Variants in MRPS25 observed in about 807,000 individuals in gnomAD.
The protein encoded by MRPS25 is mitochondrial ribosomal protein S25.
Under a neutral mutation model 17.3 loss-of-function variants are expected in MRPS25, and 15 were observed. The ratio of observed to expected loss-of-function variants is 0.87; its 90% CI spans 0.58 to 1.34. MRPS25 has a LOEUF of 1.34. Among genes scored for constraint, MRPS25 ranks in the 40% most tolerant of loss-of-function variants. The pLI, the probability that MRPS25 is intolerant of heterozygous loss-of-function variation, is 0.00. For missense variants in MRPS25, 225 were observed against 218.6 expected (o/e 1.03, Z -0.19); for synonymous variants, 94 against 83.3 (o/e 1.13, Z -0.70).
chr3:15,049,170 C>T lies in MRPS25; in HGVS notation c.*3271G>A, dbSNP rs2042560435. The T allele has an allele frequency of 6.6e-6, 1 of 152,596 alleles. No homozygotes were observed. Among genetic ancestry groups the T allele is most frequent in the African/African-American group, 2.4e-5 (1 of 41,436 alleles). The allele number at this position is 152,596 out of a possible 1,614,324, so 9.5% of individuals were successfully genotyped here. On this transcript the variant is annotated 3_prime_UTR_variant, in exon 4 of 4. Transcript: ENST00000253686. ...TAGAGTATTGCAGTGCATGAATTAG[C>T]TTTATGCATTTTATTAAATGCTGTT...
In MRPS25 at chr3:15,049,938, CA is replaced by C. The variant is rs1243485840; in HGVS notation, c.*2502del. 53 of 1,530,436 alleles carry C rather than the reference CA, an allele frequency of 3.5e-5. No homozygotes were observed. The highest frequency in any genetic ancestry group is 4.5e-5 in the Non-Finnish European group (51 of 1,145,434). The allele number at this position is 1,530,436 out of a possible 1,614,324, so 94.8% of individuals were successfully genotyped here. A position where few individuals can be genotyped will look rare whatever the true frequency, so the allele number is the denominator to read the frequency against. Reference sequence around the variant, plus strand: ...TAGATGGTGCTGCCAGGTAGTGCCTCAAAGAGAAGAAAAGTGGTCACTTCAG... The same window carrying C: ...TAGATGGTGCTGCCAGGTAGTGCCTCAAGAGAAGAAAAGTGGTCACTTCAG... On this transcript the variant is annotated 3_prime_UTR_variant, in exon 4 of 4. Coordinates refer to ENST00000253686, the MANE Select transcript of MRPS25 (RefSeq NM_022497.5).
Position 15,065,234 on chromosome 3 carries a change from C to T in MRPS25, c.-40G>A, listed in dbSNP as rs1559331690. 6.4e-7 allele frequency: 1 copy of T among 1,552,780 alleles called. No homozygotes were observed. Among genetic ancestry groups the T allele is most frequent in the South Asian group, 1.2e-5 (1 of 84,328 alleles). The stretch of plus-strand genomic sequence containing the variant: ...CGGGGCCGACCCCACGGGCCGCGAG[C>T]CGAGCAGCGACGAGAAAGGACTAGC... On this transcript the variant is annotated 5_prime_UTR_variant, in exon 1 of 4. Transcript: ENST00000253686.
rs1339628617 is a variant in MRPS25, at chr3:15,050,163, A to C, written c.*2278T>G. On this transcript the variant is annotated 3_prime_UTR_variant, in exon 4 of 4. Transcript: ENST00000253686. ...ATCAAGTAGCCTACAGGGAACAAAA[A>C]AAGAAAATAATGTTTATTTCCACAA... 1 of 1,295,884 alleles carries C rather than the reference A, an allele frequency of 7.7e-7. No individual in the cohort carries two copies. Among genetic ancestry groups the C allele is most frequent in the East Asian group, 3.9e-5 (1 of 25,722 alleles). 80.3% of individuals were successfully genotyped at this position (1,295,884 alleles called of 1,614,324 possible). A position where few individuals can be genotyped will look rare whatever the true frequency, so the allele number is the denominator to read the frequency against.
In MRPS25 at chr3:15,051,849, T is replaced by A. The variant is rs762407471; in HGVS notation, c.*592A>T. ...TGAGTGAGGCTGGCCTGTCAGCCAC[T>A]GGGGCTCCTCCATCTCTGGCCCATG... is the stretch of plus-strand genomic sequence containing the variant. On this transcript the variant is annotated 3_prime_UTR_variant, in exon 4 of 4. Transcript: ENST00000253686. 2.5e-4 allele frequency: 247 copies of A among 985,440 alleles called. 1 individual carries two copies. Among genetic ancestry groups the A allele is most frequent in the Non-Finnish European group, 8.3e-5 (69 of 829,990 alleles). The allele number at this position is 985,440 out of a possible 1,614,324, so 61.0% of individuals were successfully genotyped here. A position where few individuals can be genotyped will look rare whatever the true frequency, so the allele number is the denominator to read the frequency against.
chr3:15,053,466 A>G lies in MRPS25; in HGVS notation c.243T>C (p.Asp81=), dbSNP rs199727615. 28 of 1,614,220 alleles carry G rather than the reference A, an allele frequency of 1.7e-5. No individual in the cohort carries two copies. The East Asian group carries it at 4.9e-4, about 28-fold the overall frequency. Residue 81 remains aspartate, a splice_region_variant and synonymous_variant, in exon 3 of 4, where the codon GAT becomes GAC. Coordinates refer to ENST00000253686, the MANE Select transcript of MRPS25 (RefSeq NM_022497.5). The stretch of plus-strand genomic sequence containing the variant: ...CATCCACCAGGACCTGCTCCCCAGA[A>G]TCTGGAAACGGAAAGCACGGGGCAG... The part of the protein sequence containing the change: ...TPSPFLRFYL[D]SGEQVLVDVE...
chr3:15,056,131 C>T (rs1412216025), intron 2 of MRPS25, among the ~76,000 whole-genome samples: 2 of 151,270 alleles, frequency 1.3e-5, no homozygotes, highest in East Asian at 1.9e-4. Flanking sequence ...AGGAGAATGG[C>T]GTGAACCCAG....
rs143941558 is a variant in MRPS25, at chr3:15,049,625, T to G, written c.*2816A>C. 843 of 498,886 alleles carry G rather than the reference T, an allele frequency of 1.7e-3. 2 individuals carry two copies. The highest frequency in any genetic ancestry group is 0.015 in the African/African-American group (762 of 49,252). The allele number at this position is 498,886 out of a possible 1,614,324, so 30.9% of individuals were successfully genotyped here. On this transcript the variant is annotated 3_prime_UTR_variant, in exon 4 of 4. Coordinates refer to ENST00000253686, the MANE Select transcript of MRPS25 (RefSeq NM_022497.5). Reference sequence around the variant, plus strand: ...GACAGGCCTTAAATTGGCAAGCTTATTCTCTAAGGATACGTGCTATCAAGG... The same window carrying G: ...GACAGGCCTTAAATTGGCAAGCTTAGTCTCTAAGGATACGTGCTATCAAGG...
At chr3:15,043,607 T>C (rs1417050008), downstream of MRPS25, 5 of 152,782 alleles carry the variant, frequency 3.3e-5, no homozygotes, top group East Asian at 9.6e-4. Flanking sequence ...GTGCACATGT[T>C]GTGGAGTTGA....
In MRPS25 at chr3:15,051,245, G is replaced by A. The variant is rs768364051; in HGVS notation, c.*1196C>T. 5.4e-4 allele frequency: 492 copies of A among 917,426 alleles called. No homozygotes were observed. The highest frequency in any genetic ancestry group is 6.0e-4 in the Non-Finnish European group (463 of 768,136). The allele number at this position is 917,426 out of a possible 1,614,324, so 56.8% of individuals were successfully genotyped here. A position where few individuals can be genotyped will look rare whatever the true frequency, so the allele number is the denominator to read the frequency against. On this transcript the variant is annotated 3_prime_UTR_variant, in exon 4 of 4. Coordinates refer to ENST00000253686, the MANE Select transcript of MRPS25 (RefSeq NM_022497.5). ...GTGGCCCAGGCTGGAGTGCAGTAGCGCACGATCATGATTCACTGCAGCCTT... is the reference window on the plus strand; with the variant it reads ...GTGGCCCAGGCTGGAGTGCAGTAGCACACGATCATGATTCACTGCAGCCTT...
chr3:15,049,638 C>A lies in MRPS25; in HGVS notation c.*2803G>T. The A allele has an allele frequency of 1.5e-5, 8 of 519,430 alleles. No individual in the cohort carries two copies. The highest frequency in any genetic ancestry group is 2.7e-5 in the Non-Finnish European group (8 of 299,792). The allele number at this position is 519,430 out of a possible 1,614,324, so 32.2% of individuals were successfully genotyped here. On this transcript the variant is annotated 3_prime_UTR_variant, in exon 4 of 4. Coordinates refer to ENST00000253686, the MANE Select transcript of MRPS25 (RefSeq NM_022497.5). ...TTGGCAAGCTTATTCTCTAAGGATA[C>A]GTGCTATCAAGGGCAAAAACAAGCT...
chr3:15,061,025 T>C (rs1162605932), intron 1 of MRPS25, among the ~76,000 whole-genome samples: 1 of 152,062 alleles, frequency 6.6e-6, no homozygotes, highest in Non-Finnish European at 1.5e-5. Flanking sequence ...TCTGATCAGT[T>C]CCCACCCCAC....
At position 15,050,327 on chromosome 3, in the gene MRPS25, T is replaced by C; in HGVS notation, c.*2114A>G. On this transcript the variant is annotated 3_prime_UTR_variant, in exon 4 of 4. Transcript: ENST00000253686. ...CTGTGTCAAGCCTGAACTCAAACCCTAGTTATCTGTCCCATTAGGGACCAG... is the reference window on the plus strand; with the variant it reads ...CTGTGTCAAGCCTGAACTCAAACCCCAGTTATCTGTCCCATTAGGGACCAG... The C allele has an allele frequency of 3.7e-6, 4 of 1,074,984 alleles. No homozygotes were observed. In the South Asian group the frequency reaches 1.0e-4, roughly 28 times the overall value. 66.6% of individuals were successfully genotyped at this position (1,074,984 alleles called of 1,614,324 possible).
chr3:15,059,400 C>G lies in MRPS25; in HGVS notation c.210G>C (p.Met70Ile). The G allele has an allele frequency of 1.2e-6, 2 of 1,613,692 alleles. No individual in the cohort carries two copies. The highest frequency in any genetic ancestry group is 1.7e-6 in the Non-Finnish European group (2 of 1,179,708). Residue 70 changes from methionine to isoleucine, a missense_variant, in exon 2 of 4, where the codon ATG becomes ATC. Transcript: ENST00000253686. ...AGAATCGCAGGAAGGGTGACGGCGT[C>G]ATGTTCTTAAACATCATGATCTGCA... ...PWVQIMMFKN[M>I]TPSPFLRFYL...
intron 1 of MRPS25, among the ~76,000 whole-genome samples, chr3:15,061,186 C>T (rs1248249747): frequency 6.6e-6 from 1 of 152,252 alleles, no homozygotes; most frequent in East Asian, 1.9e-4. Context: ...TTAAGTCCCT[C>T]TCTCTCTCCC....
At chr3:15,043,192 A>G (rs1475106337), downstream of MRPS25, 4 of 436,492 alleles carry the variant, frequency 9.2e-6, no homozygotes, top group Admixed American at 4.4e-5. Context: ...CTTTCCTGAC[A>G]TAAGAAATGT....
chr3:15,063,022 G>A (rs1419579653), intron 1 of MRPS25, among the ~76,000 whole-genome samples: 32 of 146,834 alleles, frequency 2.2e-4, no homozygotes, highest in African/African-American at 5.1e-4. Context: ...CCCCCTCTGC[G>A]AGAAACACCC....
chr3:15,050,280 T>A lies in MRPS25; in HGVS notation c.*2161A>T. On this transcript the variant is annotated 3_prime_UTR_variant, in exon 4 of 4. Transcript: ENST00000253686. ...ACACGTCCTTTCAGGGTCTGGGCTG[T>A]CCACCTCACTGCCCATTGCTCCTGT... 9.0e-7 allele frequency: 1 copy of A among 1,109,408 alleles called. No homozygotes were observed. The highest frequency in any genetic ancestry group is 1.1e-6 in the Non-Finnish European group (1 of 908,722). 68.7% of individuals were successfully genotyped at this position (1,109,408 alleles called of 1,614,324 possible). A position where few individuals can be genotyped will look rare whatever the true frequency, so the allele number is the denominator to read the frequency against.
chr3:15,042,677 T>TA, downstream of MRPS25: 1 of 624,396 alleles, frequency 1.6e-6, no homozygotes, highest in South Asian at 2.3e-5. Context: ...TAAATTTCTA[T>TA]AAGAGGAACT....
chr3:15,058,197 T>TC (rs1217228803), intron 2 of MRPS25, among the ~76,000 whole-genome samples: 1 of 149,652 alleles, frequency 6.7e-6, no homozygotes, highest in Non-Finnish European at 1.5e-5. Flanking sequence ...TAATCTTTTT[T>TC]CTTTTTTTTT....
Sources: gnomAD v4.1 joint callset for allele counts (sites outside exome capture counted in the v4.1 genomes callset) on GRCh38, gnomAD v4.1.1 for gene constraint, MANE v1.5 for transcripts, NCBI Gene and HGNC (gene_info 2026-07-23, HGNC 2026-07-21) for gene names.